Variants in PLCB4 observed in about 807,000 individuals in gnomAD.
PLCB4 encodes phospholipase C beta 4.
In PLCB4, 77 loss-of-function variants were observed where a neutral mutation model predicts 178.8. The ratio of observed to expected loss-of-function variants is 0.43; its 90% CI spans 0.36 to 0.52. The LOEUF is 0.52. Among genes scored for constraint, PLCB4 ranks in the 20% least tolerant of loss-of-function variants. PLCB4 has a pLI of 0.00. For missense variants in PLCB4, 1,024 were observed against 1,453.4 expected (o/e 0.70, Z 4.80); for synonymous variants, 496 against 490.8 (o/e 1.01, Z -0.14).
intron 2 of PLCB4, among the ~76,000 whole-genome samples, chr20:9,183,981 T>C (rs1231899461): frequency 6.6e-6 from 1 of 152,212 alleles, no homozygotes; most frequent in East Asian, 1.9e-4. Flanking sequence ...GAATCTGCTT[T>C]AACGTGAGCT....
chr20:9,363,768 A>G (rs1207521731), intron 8 of PLCB4, among the ~76,000 whole-genome samples: 1 of 152,252 alleles, frequency 6.6e-6, no homozygotes, highest in Non-Finnish European at 1.5e-5. Flanking sequence ...GTGAGGTGCC[A>G]AGGGGAACCA....
In PLCB4 at chr20:9,161,729, G is replaced by T. The variant is rs573669185; in HGVS notation, c.-78-55661G>T. On this transcript the variant is annotated intron_variant, in intron 2 of 39. Coordinates refer to ENST00000378473, the MANE Select transcript of PLCB4 (RefSeq NM_001377142.1). The stretch of plus-strand genomic sequence containing the variant: ...TTCTTGGAGTAGAATAAAGTATGTA[G>T]ACAAAATAACTTATGAAGCATTTTT... 2.0e-5 allele frequency among the ~76,000 whole-genome samples: 3 copies of T among 152,268 alleles called. No individual in the cohort carries two copies. The South Asian group carries it at 6.2e-4, about 32-fold the overall frequency.
chr20:9,149,116 C>G (rs2092648098), intron 2 of PLCB4, among the ~76,000 whole-genome samples: 1 of 152,156 alleles, frequency 6.6e-6, no homozygotes. Context: ...AGAGAGAGGT[C>G]AGGGTGCCTT....
At chr20:9,373,264 C>T (rs1281263321) in intron 12 of PLCB4, among the ~76,000 whole-genome samples, 160 bp downstream of exon 12, 1 of 152,176 alleles carries the variant, frequency 6.6e-6, no homozygotes, top group Non-Finnish European at 1.5e-5. Flanking sequence ...TCAGCTGCCG[C>T]CCTGTGTGTT....
intron 28 of PLCB4, among the ~76,000 whole-genome samples, chr20:9,434,191 A>T (rs1466200317): frequency 6.6e-6 from 1 of 152,218 alleles, no homozygotes; most frequent in East Asian, 1.9e-4. Flanking sequence ...AAGATATTTG[A>T]CATTAAAAAA....
intron 28 of PLCB4, among the ~76,000 whole-genome samples, chr20:9,434,481 C>A (rs926639978): frequency 2.0e-5 from 3 of 152,068 alleles, no homozygotes; most frequent in Non-Finnish European, 2.9e-5. Flanking sequence ...GTTCAAGTGA[C>A]TCTCCTGCCT....
At chr20:9,387,701 A>C (rs1217147698) in intron 15 of PLCB4, 145 bp downstream of exon 15, 1 of 505,250 alleles carries the variant, frequency 2.0e-6, no homozygotes, top group Non-Finnish European at 3.5e-6. Context: ...GAAAAAGTCA[A>C]GACAAAGATC....
intron 2 of PLCB4, among the ~76,000 whole-genome samples, chr20:9,165,705 G>C (rs2092958451): frequency 6.6e-6 from 1 of 151,968 alleles, no homozygotes; most frequent in South Asian, 2.1e-4. Flanking sequence ...TTGTTTTGCA[G>C]AACATTTTAC....
At chr20:9,222,075 TA>T in intron 3 of PLCB4, among the ~76,000 whole-genome samples, 1 of 142,648 alleles carries the variant, frequency 7.0e-6, no homozygotes, top group African/African-American at 2.7e-5. Context: ...TATTTTATTT[TA>T]TTTTATTTTA....
chr20:9,415,522 C>G (rs1431886648), intron 25 of PLCB4, among the ~76,000 whole-genome samples: 1 of 152,198 alleles, frequency 6.6e-6, no homozygotes, highest in Non-Finnish European at 1.5e-5. Context: ...CTCCTATCCA[C>G]CCACCTGGTT....
At chr20:9,106,017 C>T (rs2091348681) in intron 2 of PLCB4, among the ~76,000 whole-genome samples, 1 of 152,006 alleles carries the variant, frequency 6.6e-6, no homozygotes, top group African/African-American at 2.4e-5. Flanking sequence ...GTTTGAAGGA[C>T]AGAGCATATA....
chr20:9,274,355 G>A (rs2094433499), intron 3 of PLCB4, among the ~76,000 whole-genome samples: 1 of 151,932 alleles, frequency 6.6e-6, no homozygotes, highest in Non-Finnish European at 1.5e-5. Flanking sequence ...CTTAAAAATT[G>A]CAATACCAAT....
chr20:9,112,638 T>A (rs2091622370), intron 2 of PLCB4, among the ~76,000 whole-genome samples: 1 of 152,166 alleles, frequency 6.6e-6, no homozygotes, highest in Admixed American at 6.5e-5. Context: ...TAAAATATTA[T>A]AAAAAACTTT....
chr20:9,317,973 C>T (rs921343965), intron 4 of PLCB4, among the ~76,000 whole-genome samples: 25 of 151,936 alleles, frequency 1.6e-4, no homozygotes, highest in African/African-American at 5.1e-4. Context: ...GTTGCAGGCA[C>T]CTGTAATCCC....
At chr20:9,246,482 T>G (rs1845290661) in intron 3 of PLCB4, among the ~76,000 whole-genome samples, 1 of 152,232 alleles carries the variant, frequency 6.6e-6, no homozygotes, top group Non-Finnish European at 1.5e-5. Flanking sequence ...CTTTCAAAGT[T>G]TGCTTTCAAA....
intron 2 of PLCB4, among the ~76,000 whole-genome samples, chr20:9,150,575 A>G (rs758830233): frequency 3.4e-4 from 52 of 152,138 alleles, no homozygotes; most frequent in Non-Finnish European, 5.7e-4. Context: ...AATACTTACT[A>G]TGTAGCCATG....
intron 2 of PLCB4, among the ~76,000 whole-genome samples, chr20:9,173,421 A>T (rs1034873503): frequency 2.6e-5 from 4 of 152,206 alleles, no homozygotes; most frequent in Non-Finnish European, 2.9e-5. Context: ...TCCACCCAGC[A>T]TCCCAAGACA....
At chr20:9,235,149 G>A (rs1008946374) in intron 3 of PLCB4, among the ~76,000 whole-genome samples, 10 of 152,268 alleles carry the variant, frequency 6.6e-5, no homozygotes, top group East Asian at 1.9e-4. Context: ...GTGTGGTAGG[G>A]TCAGTGGAGT....
intron 38 of PLCB4, among the ~76,000 whole-genome samples, chr20:9,475,145 C>G (rs2044462236): frequency 6.6e-6 from 1 of 152,172 alleles, no homozygotes; most frequent in South Asian, 2.1e-4. Context: ...AAAGGTAAGG[C>G]ACAGTTATGT....
Sources: gnomAD v4.1 joint callset for allele counts (sites outside exome capture counted in the v4.1 genomes callset) on GRCh38, gnomAD v4.1.1 for gene constraint, MANE v1.5 for transcripts, NCBI Gene and HGNC (gene_info 2026-07-23, HGNC 2026-07-21) for gene names.